MYL4: variants seen among roughly 807,000 people sequenced by gnomAD.
The protein encoded by MYL4 is atrial myosin light chain 1.
A neutral mutation model predicts 21.6 loss-of-function variants in MYL4; 16 were observed. The ratio of observed to expected loss-of-function variants is 0.74; its 90% CI spans 0.50 to 1.12. The LOEUF (loss-of-function observed/expected upper bound fraction) is 1.12. Among genes scored for constraint, MYL4 ranks in the 50% most tolerant of loss-of-function variants. The pLI is 0.00. For missense variants in MYL4, 249 were observed against 252.9 expected (o/e 0.98, Z 0.11); for synonymous variants, 82 against 95.7 (o/e 0.86, Z 0.83).
chr17:47,190,312 T>C, the MYL4 span, among the ~76,000 whole-genome samples: 4 of 152,186 alleles, frequency 2.6e-5, no homozygotes, highest in African/African-American at 9.7e-5. Context: ...TTAAGAGAAT[T>C]CGATGTATTA....
upstream of MYL4, chr17:47,209,200 C>G (rs2064752795): frequency 1.5e-6 from 1 of 669,274 alleles, no homozygotes; most frequent in Non-Finnish European, 2.6e-6. Context: ...CTGGTGGCCC[C>G]AAACCTGGTG....
rs922518075 is a variant in MYL4, at chr17:47,220,020, G to T, written c.280G>T (p.Val94Leu). 1 of 1,613,938 alleles carries T rather than the reference G, an allele frequency of 6.2e-7. No homozygotes were observed. The highest frequency in any genetic ancestry group is 1.3e-5 in the African/African-American group (1 of 74,938). Reference sequence around the variant, plus strand: ...GGGCCAGAACCCTACCAATGCCGAGGTGCTGCGTGTGCTGGGCAAGCCCAA... The same window carrying T: ...GGGCCAGAACCCTACCAATGCCGAGTTGCTGCGTGTGCTGGGCAAGCCCAA... ...ALGQNPTNAE[V>L]LRVLGKPKPE... The change falls in exon 3 of 7, where the codon GTG (valine) becomes TTG (leucine). Residue 94 changes from valine (V) to leucine (L), a missense_variant. Coordinates refer to ENST00000393450, the MANE Select transcript of MYL4 (RefSeq NM_002476.2).
At chr17:47,214,041 T>C (rs1218432362) in intron 2 of MYL4, 5 of 538,922 alleles carry the variant, frequency 9.3e-6, no homozygotes, top group Non-Finnish European at 6.7e-6. Flanking sequence ...CACCATGAGG[T>C]AGAAATTGTT....
chr17:47,214,938 T>G (rs2064803367), intron 2 of MYL4, among the ~76,000 whole-genome samples: 1 of 152,248 alleles, frequency 6.6e-6, no homozygotes, highest in Admixed American at 6.5e-5. Context: ...AGATGTACCC[T>G]TTTAATTTAA....
chr17:47,198,563 C>T (rs1260200905), upstream of MYL4, among the ~76,000 whole-genome samples: 8 of 152,172 alleles, frequency 5.3e-5, no homozygotes, highest in Non-Finnish European at 1.0e-4. Context: ...ATTCAGTTTA[C>T]ACCGTAGCTG....
At chr17:47,221,185 A>T (rs535836942) in intron 3 of MYL4, among the ~76,000 whole-genome samples, 18 of 152,336 alleles carry the variant, frequency 1.2e-4, no homozygotes, top group African/African-American at 4.1e-4. Flanking sequence ...AGAATTATTG[A>T]TTCAGAGTAG....
chr17:47,207,754 G>A (rs1314829673), upstream of MYL4, among the ~76,000 whole-genome samples: 1 of 152,034 alleles, frequency 6.6e-6, no homozygotes, highest in Non-Finnish European at 1.5e-5. Context: ...GAATTATTTT[G>A]TTGACTTTCA....
chr17:47,191,452 A>C, the MYL4 span, among the ~76,000 whole-genome samples: 1 of 152,178 alleles, frequency 6.6e-6, no homozygotes, highest in Non-Finnish European at 1.5e-5. Flanking sequence ...ACGTCTATTA[A>C]AGTGGACTAC....
chr17:47,223,871 C>T (rs143238597), downstream of MYL4, among the ~76,000 whole-genome samples: 1 of 152,148 alleles, frequency 6.6e-6, no homozygotes, highest in African/African-American at 2.4e-5. Context: ...GGGTCAGACC[C>T]AGGAGAGCAA....
At chr17:47,222,020 C>T (rs1413934293) in intron 4 of MYL4, among the ~76,000 whole-genome samples, 165 bp downstream of exon 4, 1 of 152,086 alleles carries the variant, frequency 6.6e-6, no homozygotes, top group East Asian at 1.9e-4. Context: ...GCAAGAACAA[C>T]CATTCCCAGT....
At chr17:47,208,966 T>A (rs915320995), upstream of MYL4, 1 of 199,602 alleles carries the variant, frequency 5.0e-6, no homozygotes, top group African/African-American at 2.4e-5. Context: ...TTAGAAGGAA[T>A]GTGCAGTGGG....
At chr17:47,209,900 A>G (rs1208625192) in intron 1 of MYL4, among the ~76,000 whole-genome samples, 2 of 152,164 alleles carry the variant, frequency 1.3e-5, no homozygotes, top group Non-Finnish European at 2.9e-5. Context: ...AGTAAAACAG[A>G]CTAGCCTTTT....
chr17:47,224,663 C>T (rs2064878506), downstream of MYL4, among the ~76,000 whole-genome samples: 1 of 152,180 alleles, frequency 6.6e-6, no homozygotes, highest in African/African-American at 2.4e-5. Context: ...GCACAATGTC[C>T]TCGTGTTCCT....
the MYL4 span, among the ~76,000 whole-genome samples, chr17:47,195,367 T>A: frequency 1.3e-5 from 2 of 152,034 alleles, no homozygotes; most frequent in African/African-American, 4.8e-5. Flanking sequence ...GTAGCTGGGA[T>A]TACAGGCATA....
At chr17:47,220,938 T>C (rs1165469513) in intron 3 of MYL4, among the ~76,000 whole-genome samples, 1 of 151,870 alleles carries the variant, frequency 6.6e-6, no homozygotes, top group Non-Finnish European at 1.5e-5. Flanking sequence ...TTCTGGCCCG[T>C]CCCCCTTCTC....
intron 2 of MYL4, among the ~76,000 whole-genome samples, chr17:47,218,680 C>T (rs1015190550): frequency 7.2e-5 from 11 of 151,992 alleles, no homozygotes; most frequent in African/African-American, 2.4e-5. Context: ...CCCAGCTACT[C>T]GGAGGCTGAG....
At chr17:47,199,252 A>AG (rs1207104942), upstream of MYL4, among the ~76,000 whole-genome samples, 1 of 151,708 alleles carries the variant, frequency 6.6e-6, no homozygotes, top group East Asian at 1.9e-4. Flanking sequence ...AAAAAAAAAA[A>AG]AAATTATACC....
At chr17:47,212,709 T>A (rs2064785265) in intron 1 of MYL4, among the ~76,000 whole-genome samples, 1 of 152,240 alleles carries the variant, frequency 6.6e-6, no homozygotes, top group Non-Finnish European at 1.5e-5. Flanking sequence ...GTTACTTTTC[T>A]TGTAAAGGTT....
At chr17:47,222,243 TG>T in intron 4 of MYL4, 136 bp from the exon 5 acceptor site, 1 of 846,178 alleles carries the variant, frequency 1.2e-6, no homozygotes, top group Non-Finnish European at 2.0e-6. Context: ...TCAGAACCTC[TG>T]GGAGAGGCTT....
Sources: gnomAD v4.1 joint callset for allele counts (sites outside exome capture counted in the v4.1 genomes callset) on GRCh38, gnomAD v4.1.1 for gene constraint, MANE v1.5 for transcripts, NCBI Gene and HGNC (gene_info 2026-07-23, HGNC 2026-07-21) for gene names.